The following BCLAF1 variants were observed in gnomAD, a reference collection of about 807,000 sequenced individuals.
BCLAF1 encodes the protein BCL2 associated transcription factor 1, also known as bcl-2-associated transcription factor 1.
In BCLAF1, 10 loss-of-function variants were observed where a neutral mutation model predicts 99.5. The observed-to-expected ratio is 0.10, with a 90% CI of 0.06 to 0.17. BCLAF1 has a LOEUF of 0.17. Among genes scored for constraint, BCLAF1 ranks in the 10% least tolerant of loss-of-function variants. The pLI, the probability that BCLAF1 is intolerant of heterozygous loss-of-function variation, is 1.00. For missense variants in BCLAF1, 636 were observed against 1,105.8 expected, an observed-to-expected ratio of 0.58 and a Z score of 6.02; for synonymous variants, 255 against 370.9, an observed-to-expected ratio of 0.69 and a Z score of 3.59.
intron 1 of BCLAF1, among the ~76,000 whole-genome samples, chr6:136,283,542 T>G (rs888574364): frequency 3.3e-5 from 5 of 152,216 alleles, no homozygotes; most frequent in African/African-American, 1.2e-4. Context: ...GCTTTATGTA[T>G]ATTCACATCA....
chr6:136,286,908 C>T (rs546648680), intron 1 of BCLAF1, among the ~76,000 whole-genome samples: 245 of 152,200 alleles, frequency 1.6e-3, no homozygotes, highest in Middle Eastern at 0.01. Flanking sequence ...GTGGAGGTTG[C>T]AGTGAGCCAT....
intron 7 of BCLAF1, among the ~76,000 whole-genome samples, chr6:136,272,469 T>C (rs564000758): frequency 2.6e-5 from 4 of 152,104 alleles, no homozygotes; most frequent in Admixed American, 6.6e-5. Context: ...ATTCTGCACC[T>C]TTCCTTTCTA....
At position 136,289,830 on chromosome 6, in the gene BCLAF1, T is replaced by G. The variant is rs1046136370; in HGVS notation, c.-232A>C. The G allele has an allele frequency of 3.9e-5, 6 of 152,798 alleles. No homozygotes were observed. In the East Asian group the frequency reaches 9.6e-4, roughly 25 times the overall value. 9.5% of individuals were successfully genotyped at this position (152,798 alleles called of 1,614,324 possible). A position where few individuals can be genotyped will look rare whatever the true frequency, so the allele number is the denominator to read the frequency against. Reference sequence around the variant, plus strand: ...GCTACCTTCGACGCGCTAGCACGTCTCCGTCACTTCCGATCTGGGGCGTGG... The same window carrying G: ...GCTACCTTCGACGCGCTAGCACGTCGCCGTCACTTCCGATCTGGGGCGTGG... On this transcript the variant is annotated 5_prime_UTR_variant, in exon 1 of 13. Transcript: ENST00000531224.
intron 9 of BCLAF1, 52 bp from the exon 10 acceptor site, chr6:136,268,391 C>A: frequency 6.9e-7 from 1 of 1,451,494 alleles, no homozygotes; most frequent in South Asian, 1.2e-5. Context: ...GATAAAGACC[C>A]TGCTGAATCT....
chr6:136,258,104 TTC>T lies in BCLAF1; in HGVS notation c.*3004_*3005del, dbSNP rs1344457576. ...TGTCAGTTTGTCTTAGTACACAAATTTCTGTGAAAATGCTTTGTTAAAACTGA... is the reference window on the plus strand; with the variant it reads ...TGTCAGTTTGTCTTAGTACACAAATTTGTGAAAATGCTTTGTTAAAACTGA... On this transcript the variant is annotated 3_prime_UTR_variant, in exon 13 of 13. Coordinates refer to ENST00000531224, the MANE Select transcript of BCLAF1 (RefSeq NM_014739.3). The T allele has an allele frequency of 6.6e-6, 1 of 152,090 alleles. No individual in the cohort carries two copies. Among genetic ancestry groups the T allele is most frequent in the Non-Finnish European group, 1.5e-5 (1 of 67,934 alleles). 9.4% of individuals were successfully genotyped at this position (152,090 alleles called of 1,614,324 possible).
At chr6:136,263,641 C>G (rs185722989) in intron 11 of BCLAF1, among the ~76,000 whole-genome samples, 29 of 152,238 alleles carry the variant, frequency 1.9e-4, no homozygotes, top group Admixed American at 1.7e-3. Context: ...GAATCATCTT[C>G]TCTTCTCCAT....
In BCLAF1 at chr6:136,269,551, T is replaced by C. The variant is rs771598423; in HGVS notation, c.2105A>G (p.Lys702Arg). 5 of 1,612,338 alleles carry C rather than the reference T, an allele frequency of 3.1e-6. No individual in the cohort carries two copies. The highest frequency in any genetic ancestry group is 4.2e-6 in the Non-Finnish European group (5 of 1,178,986). Residue 702 changes from lysine (K) to arginine (R), a missense_variant, in exon 9 of 13, where the codon AAA becomes AGA. Physicochemically the swap from Lys to Arg is conservative, Grantham distance 26. Coordinates refer to ENST00000531224, the MANE Select transcript of BCLAF1 (RefSeq NM_014739.3). The part of the protein sequence containing the change: ...DLRHDIDRRR[K>R]ERSKERGDSK... ...ATCTCCCCGTTCTTTACTTCTTTCT[T>C]TTCTACGGCGATCAATGTCATGCCG...
Position 136,258,955 on chromosome 6 carries a change from A to T in BCLAF1, c.*2155T>A, listed in dbSNP as rs1259770114. The T allele has an allele frequency of 6.6e-6, 1 of 152,502 alleles. No individual in the cohort carries two copies. The highest frequency in any genetic ancestry group is 2.4e-5 in the African/African-American group (1 of 41,446). 9.4% of individuals were successfully genotyped at this position (152,502 alleles called of 1,614,324 possible). A position where few individuals can be genotyped will look rare whatever the true frequency, so the allele number is the denominator to read the frequency against. ...CAAAACAAAGTATGTTAACGCAGGTATCAGTGAGTTATTTCCTAGCACTTG... is the reference window on the plus strand; with the variant it reads ...CAAAACAAAGTATGTTAACGCAGGTTTCAGTGAGTTATTTCCTAGCACTTG... On this transcript the variant is annotated 3_prime_UTR_variant, in exon 13 of 13. Coordinates refer to ENST00000531224, the MANE Select transcript of BCLAF1 (RefSeq NM_014739.3).
Position 136,260,950 on chromosome 6 carries a change from A to C in BCLAF1, c.*160T>G, listed in dbSNP as rs1469069782. 4 of 694,314 alleles carry C rather than the reference A, an allele frequency of 5.8e-6. No homozygotes were observed. Among genetic ancestry groups the C allele is most frequent in the Non-Finnish European group, 9.2e-6 (4 of 433,328 alleles). 43.0% of individuals were successfully genotyped at this position (694,314 alleles called of 1,614,324 possible). A position where few individuals can be genotyped will look rare whatever the true frequency, so the allele number is the denominator to read the frequency against. On this transcript the variant is annotated 3_prime_UTR_variant, in exon 13 of 13. Coordinates refer to ENST00000531224, the MANE Select transcript of BCLAF1 (RefSeq NM_014739.3). ...TACAATTTTCAACATACAGTCTACT[A>C]TTTCTCAAGATATTTGAAGACTTAA...
At chr6:136,284,156 A>ATATATATATATATATC (rs1784796733) in intron 1 of BCLAF1, among the ~76,000 whole-genome samples, 1 of 144,240 alleles carries the variant, frequency 6.9e-6, no homozygotes, top group African/African-American at 2.5e-5. Flanking sequence ...ATATATATAT[A>ATATATATATATATATC]TATCCAGAGA....
In BCLAF1 at chr6:136,284,116, A is replaced by ATGTG. The variant is rs879553249; in HGVS notation, c.-114-1433_-114-1430dup. ...AATTTATATATATATATACATATAT[A>ATGTG]TGTGTGTGTGTGTGTATATATATAT... is the stretch of plus-strand genomic sequence containing the variant. On this transcript the variant is annotated intron_variant, in intron 1 of 12. Transcript: ENST00000531224. Among the ~76,000 whole-genome samples the ATGTG allele has an allele frequency of 7.5e-3, 899 of 120,012 alleles. 22 individuals carry two copies. Among genetic ancestry groups the ATGTG allele is most frequent in the African/African-American group, 0.027 (785 of 28,760 alleles). 78.7% of individuals were successfully genotyped at this position (120,012 alleles called of 152,430 possible).
At chr6:136,282,786 G>A (rs1784553140) in intron 1 of BCLAF1, 99 bp from the exon 2 acceptor site, 1 of 152,044 alleles carries the variant, frequency 6.6e-6, no homozygotes, top group Admixed American at 6.6e-5. Flanking sequence ...TCTAATAAAC[G>A]CACTTACAAT....
chr6:136,264,069 A>C (rs1781393298), intron 11 of BCLAF1, among the ~76,000 whole-genome samples: 2 of 152,132 alleles, frequency 1.3e-5, no homozygotes, highest in South Asian at 4.1e-4. Context: ...CCACCTTTGT[A>C]CCTCAGTTTT....
intron 1 of BCLAF1, among the ~76,000 whole-genome samples, chr6:136,285,973 C>A (rs778791115): frequency 1.3e-5 from 2 of 152,098 alleles, no homozygotes; most frequent in African/African-American, 2.4e-5. Flanking sequence ...TGGTGCACGC[C>A]CATAGTCCCA....
rs1374135959 is a variant in BCLAF1 at position 136,276,110 on chromosome 6, C to A, written c.1415G>T (p.Ser472Ile). The change falls in exon 5 of 13, where the codon AGC (serine) becomes ATC (isoleucine). Residue 472 changes from serine (S) to isoleucine (I), a missense_variant. This residue lies in a region of BCLAF1 where 186 missense variants were observed against 275.3 expected (regional missense o/e 0.68). Transcript: ENST00000531224. ...KETGYVVERP[S>I]TTKDKHKEED... ...TTCTTTGTGCTTATCTTTTGTAGTG[C>A]TAGGCCTTTCCACTACATATCCAGT... 4 of 1,612,366 alleles carry A rather than the reference C, an allele frequency of 2.5e-6. No homozygotes were observed. Among genetic ancestry groups the A allele is most frequent in the Non-Finnish European group, 3.4e-6 (4 of 1,179,680 alleles).
At position 136,258,518 on chromosome 6, in the gene BCLAF1, C is replaced by T. The variant is rs1029973657; in HGVS notation, c.*2592G>A. Reference sequence around the variant, plus strand: ...ACCAGTAATCTTCCTAACAGATGCGCTGATATTCTAAAATAGGCCACAGAA... The same window carrying T: ...ACCAGTAATCTTCCTAACAGATGCGTTGATATTCTAAAATAGGCCACAGAA... On this transcript the variant is annotated 3_prime_UTR_variant, in exon 13 of 13. Transcript: ENST00000531224. 1 of 152,490 alleles carries T rather than the reference C, an allele frequency of 6.6e-6. No homozygotes were observed. The highest frequency in any genetic ancestry group is 1.9e-4 in the East Asian group (1 of 5,196). The allele number at this position is 152,490 out of a possible 1,614,324, so 9.4% of individuals were successfully genotyped here. A position where few individuals can be genotyped will look rare whatever the true frequency, so the allele number is the denominator to read the frequency against.
At chr6:136,280,202 C>T (rs1440870041) in intron 2 of BCLAF1, among the ~76,000 whole-genome samples, 1 of 152,124 alleles carries the variant, frequency 6.6e-6, no homozygotes, top group Non-Finnish European at 1.5e-5. Context: ...TGTTATTCCA[C>T]GCCCAATACA....
chr6:136,262,549 GTAAC>G (rs1781154584), intron 11 of BCLAF1, among the ~76,000 whole-genome samples: 3 of 151,952 alleles, frequency 2.0e-5, no homozygotes, highest in Non-Finnish European at 4.4e-5. Flanking sequence ...AATTATATGG[GTAAC>G]TAACAGACCA....
intron 2 of BCLAF1, among the ~76,000 whole-genome samples, chr6:136,280,758 C>G (rs1334554953): frequency 6.6e-6 from 1 of 152,136 alleles, no homozygotes; most frequent in Non-Finnish European, 1.5e-5. Context: ...ACACATATAG[C>G]AAATCACTGC....
Sources: allele counts gnomAD v4.1 joint callset (sites outside exome capture counted in the v4.1 genomes callset), GRCh38; gene constraint gnomAD v4.1.1; regional missense constraint gnomAD v4.1.1; transcripts MANE v1.5; gene names NCBI Gene and HGNC (gene_info 2026-07-23, HGNC 2026-07-21).